Variants in THAP9 observed in about 807,000 individuals in gnomAD.
The protein encoded by THAP9 is DNA transposase THAP9.
In THAP9, 20 loss-of-function variants were observed where a neutral mutation model predicts 35.7. The ratio of observed to expected loss-of-function variants is 0.56; its 90% CI spans 0.39 to 0.81. The LOEUF is 0.81. THAP9 is among the 40% of genes least tolerant of loss of function. The pLI is 0.00. For missense variants in THAP9, 870 were observed against 1,047.4 expected, an observed-to-expected ratio of 0.83 and a Z score of 2.34; for synonymous variants, 335 against 373.7, an observed-to-expected ratio of 0.90 and a Z score of 1.19.
Position 82,918,845 on chromosome 4 carries a change from A to G in THAP9, c.2633A>G (p.Asp878Gly). 1 of 1,613,312 alleles carries G rather than the reference A, an allele frequency of 6.2e-7. No homozygotes were observed. The highest frequency in any genetic ancestry group is 1.3e-5 in the African/African-American group (1 of 75,032). The change falls in exon 5 of 5, where the codon GAT becomes GGT. Residue 878 changes from aspartate to glycine, a missense_variant. By Grantham distance (94) the Asp-to-Gly change is moderately conservative. Around this residue, in one of 3 missense-constraint regions of THAP9, gnomAD observed 414 missense variants for 500.8 expected, o/e 0.83. Transcript: ENST00000302236. ...LSRKHWSSVQ[D>G]YKCSSFANTS... ...AGGAAACACTGGTCATCTGTACAGG[A>G]TTATAAATGTTCAAGTTTTGCTAAT...
At chr4:82,914,376 C>A (rs1720972018) in intron 4 of THAP9, among the ~76,000 whole-genome samples, 1 of 152,118 alleles carries the variant, frequency 6.6e-6, no homozygotes, top group East Asian at 1.9e-4. Context: ...AATCATAGTT[C>A]GCTTTTAGCC....
At chr4:82,904,533 C>A (rs182230487) in intron 1 of THAP9, among the ~76,000 whole-genome samples, 1 of 151,918 alleles carries the variant, frequency 6.6e-6, no homozygotes, top group Non-Finnish European at 1.5e-5. Flanking sequence ...CTATGATTGA[C>A]AAAGAAAAAT....
At chr4:82,913,354 A>G (rs1252202268) in intron 4 of THAP9, 1 of 152,214 alleles carries the variant, frequency 6.6e-6, no homozygotes, top group Non-Finnish European at 1.5e-5. Flanking sequence ...CCCATTTAAA[A>G]TAAAATTACA....
chr4:82,909,185 A>G (rs767832631), intron 4 of THAP9, among the ~76,000 whole-genome samples: 1 of 152,264 alleles, frequency 6.6e-6, no homozygotes, highest in South Asian at 2.1e-4. Flanking sequence ...GATTACAGAC[A>G]TGAGCCACTG....
chr4:82,916,344 A>G (rs758966278), intron 4 of THAP9, among the ~76,000 whole-genome samples: 42 of 152,202 alleles, frequency 2.8e-4, no homozygotes, highest in Non-Finnish European at 5.3e-4. Flanking sequence ...AACTCCTAAG[A>G]TAGTAGCACA....
chr4:82,916,872 A>G, intron 4 of THAP9, 72 bp from the exon 5 acceptor site: 2 of 1,350,452 alleles, frequency 1.5e-6, no homozygotes, highest in Non-Finnish European at 2.0e-6. Flanking sequence ...CTACTTTAAT[A>G]GTGCTTAAGG....
In THAP9 at chr4:82,907,946, TA is replaced by T. The variant is rs765859219; in HGVS notation, c.731+12del. The T allele has an allele frequency of 2.5e-6, 4 of 1,603,884 alleles. No individual in the cohort carries two copies. The highest frequency in any genetic ancestry group is 1.1e-5 in the South Asian group (1 of 88,218). On this transcript the variant is annotated intron_variant, in intron 4 of 4. Coordinates refer to ENST00000302236, the MANE Select transcript of THAP9 (RefSeq NM_024672.6). The stretch of plus-strand genomic sequence containing the variant: ...TTCCATCCTCAGAACGTAAGTGAAT[TA>T]TTTTTTTATTTTTTAAAAGTGACTT...
chr4:82,916,664 T>C (rs906927823), intron 4 of THAP9, among the ~76,000 whole-genome samples: 3 of 152,260 alleles, frequency 2.0e-5, no homozygotes, highest in African/African-American at 4.8e-5. Context: ...AAAGATCAGT[T>C]AGAACAAACT....
Position 82,900,751 on chromosome 4 carries a change from T to C in THAP9, c.-52T>C. 1 of 1,595,634 alleles carries C rather than the reference T, an allele frequency of 6.3e-7. No homozygotes were observed. Among genetic ancestry groups the C allele is most frequent in the Middle Eastern group, 1.7e-4 (1 of 6,030 alleles). ...TCAACGGGCGGAGCTAAAGTGGTCG[T>C]GATTCATGCTGTCGCGGGAACCCCG... On this transcript the variant is annotated 5_prime_UTR_variant, in exon 1 of 5. Transcript: ENST00000302236.
intron 4 of THAP9, 34 bp from the exon 5 acceptor site, chr4:82,916,910 C>T (rs999999748): frequency 6.8e-7 from 1 of 1,477,132 alleles, no homozygotes; most frequent in African/African-American, 1.4e-5. Flanking sequence ...TTTTATTTCT[C>T]TTTGAGTGTT....
At chr4:82,904,151 A>G (rs1432761742) in intron 1 of THAP9, among the ~76,000 whole-genome samples, 1 of 128,802 alleles carries the variant, frequency 7.8e-6, no homozygotes, top group African/African-American at 3.0e-5. Context: ...TGCAGCCTCC[A>G]CCTCCGGATT....
At position 82,916,380 on chromosome 4, in the gene THAP9, C is replaced by G. The variant is rs561431000; in HGVS notation, c.732-564C>G. 5.3e-5 allele frequency among the ~76,000 whole-genome samples: 8 copies of G among 152,300 alleles called. No individual in the cohort carries two copies. In the South Asian group the frequency reaches 1.7e-3, roughly 32 times the overall value. On this transcript the variant is annotated intron_variant, in intron 4 of 4. Transcript: ENST00000302236. Reference sequence around the variant, plus strand: ...GGTAGGTTGTATAGGGGTGCAGATGCACACTTGTTATATGCCTTTAAGGGT... The same window carrying G: ...GGTAGGTTGTATAGGGGTGCAGATGGACACTTGTTATATGCCTTTAAGGGT...
chr4:82,904,906 C>T lies in THAP9; in HGVS notation c.251C>T (p.Ala84Val), dbSNP rs781078071. 7.4e-6 allele frequency: 12 copies of T among 1,613,840 alleles called. No individual in the cohort carries two copies. The African/African-American group carries it at 1.5e-4, about 20-fold the overall frequency. ...ATAAGAAGAAAGCTGAAAAAAGGAG[C>T]TGTGCCTTCTGTTTCTCTATACAAG... ...YGIRRKLKKG[A>V]VPSVSLYKIP... The change falls in exon 2 of 5, where the codon GCT becomes GTT. Residue 84 changes from alanine (A) to valine (V), a missense_variant. Around this residue, in one of 3 missense-constraint regions of THAP9, gnomAD observed 440 missense variants for 501.2 expected, o/e 0.88. Transcript: ENST00000302236.
Position 82,919,580 on chromosome 4 carries a change from T to C in THAP9, c.*656T>C, listed in dbSNP as rs181621909. ...CTGGAAAGAACATACCTAATGTGTT[T>C]TTCACCATCCATTATCTCTGAACTT... On this transcript the variant is annotated 3_prime_UTR_variant, in exon 5 of 5. Transcript: ENST00000302236. The C allele has an allele frequency of 2.6e-5, 4 of 152,050 alleles. No individual in the cohort carries two copies. In the East Asian group the frequency reaches 7.7e-4, roughly 29 times the overall value. The allele number at this position is 152,050 out of a possible 1,614,324, so 9.4% of individuals were successfully genotyped here.
At position 82,918,547 on chromosome 4, in the gene THAP9, G is replaced by A. The variant is rs1190756496; in HGVS notation, c.2335G>A (p.Val779Ile). ...GGTCATAAATATTTGTGAGCGAGTT[G>A]TAAGAACCCATTCAAGAATGGCAAT... is the stretch of plus-strand genomic sequence containing the variant. ...CRVINICERVVRTHSRMAIFE... is the reference protein window; with the variant it reads ...CRVINICERVIRTHSRMAIFE... The change falls in exon 5 of 5, where the codon GTA becomes ATA. Residue 779 changes from valine (V) to isoleucine (I), a missense_variant. Val to Ile is a conservative substitution (Grantham distance 29). This residue lies in a region of THAP9 where 414 missense variants were observed against 500.8 expected (regional missense o/e 0.83). Transcript: ENST00000302236. The A allele has an allele frequency of 1.2e-6, 2 of 1,614,002 alleles. No homozygotes were observed. The highest frequency in any genetic ancestry group is 2.7e-5 in the African/African-American group (2 of 74,932).
chr4:82,905,637 A>G (rs982704770), intron 2 of THAP9, among the ~76,000 whole-genome samples: 5 of 152,174 alleles, frequency 3.3e-5, no homozygotes, highest in African/African-American at 7.2e-5. Context: ...AGAGCTTCCT[A>G]TTAACTGATT....
At chr4:82,904,145 G>C (rs906331589) in intron 1 of THAP9, among the ~76,000 whole-genome samples, 8 of 141,102 alleles carry the variant, frequency 5.7e-5, no homozygotes, top group Non-Finnish European at 1.1e-4. Flanking sequence ...GCTCACTGCA[G>C]CCTCCACCTC....
At position 82,900,958 on chromosome 4, in the gene THAP9, G is replaced by C. The variant is rs1448111334; in HGVS notation, c.80+76G>C. On this transcript the variant is annotated intron_variant, in intron 1 of 4. Transcript: ENST00000302236. ...GGGCCGTGGCGTGGCGTGGGGCGGG[G>C]CCGGGCCGCACTGTGGGTCGCGCCG... 2.6e-6 allele frequency: 4 copies of C among 1,552,770 alleles called. No homozygotes were observed. The East Asian group carries it at 9.2e-5, about 36-fold the overall frequency.
chr4:82,905,792 TAGG>T (rs925462595), intron 2 of THAP9: 4 of 450,360 alleles, frequency 8.9e-6, no homozygotes, highest in African/African-American at 8.0e-5. Context: ...GGCATTGTAC[TAGG>T]AGATTTACAT....
Sources: gnomAD v4.1 joint callset for allele counts (sites outside exome capture counted in the v4.1 genomes callset) on GRCh38, gnomAD v4.1.1 for gene constraint, gnomAD v4.1.1 regional missense constraint, MANE v1.5 for transcripts, NCBI Gene and HGNC (gene_info 2026-07-23, HGNC 2026-07-21) for gene names.